Variants in PLIN5 observed in about 807,000 individuals in gnomAD.
PLIN5 encodes perilipin-5.
In PLIN5, 34 loss-of-function variants were observed where a neutral mutation model predicts 32.8. The ratio of observed to expected loss-of-function variants is 1.04; its 90% CI spans 0.79 to 1.38. PLIN5 has a LOEUF of 1.38. PLIN5 is among the 40% of genes most tolerant of loss of function. PLIN5 has a pLI of 0.00. For missense variants in PLIN5, 712 were observed against 660.5 expected (o/e 1.08, Z -0.85); for synonymous variants, 309 against 292.9 (o/e 1.05, Z -0.56).
At position 4,525,564 on chromosome 19, in the gene PLIN5, A is replaced by G. The variant is rs538771889; in HGVS notation, c.720+69T>C. Reference sequence around the variant, plus strand: ...GCTTTAGGCTAGCACGGGATCCGGTATTCAGCTGGTGCTCAATCCATACTG... The same window carrying G: ...GCTTTAGGCTAGCACGGGATCCGGTGTTCAGCTGGTGCTCAATCCATACTG... On this transcript the variant is annotated intron_variant, in intron 6 of 7. Transcript: ENST00000381848. The surrounding 1 kb of genome is among the most constrained non-coding windows in gnomAD (Gnocchi z 5.6). 6.4e-4 allele frequency: 997 copies of G among 1,567,626 alleles called. 6 individuals carry two copies. The African/African-American group carries it at 0.012, about 20-fold the overall frequency.
intron 3 of PLIN5, among the ~76,000 whole-genome samples, chr19:4,530,334 C>T (rs1248284161): frequency 1.3e-5 from 2 of 152,152 alleles, no homozygotes; most frequent in African/African-American, 4.8e-5. Context: ...GCCCAGCGGA[C>T]AGACTCAAGG....
At chr19:4,529,678 T>C in intron 4 of PLIN5, 106 bp downstream of exon 4, 1 of 880,574 alleles carries the variant, frequency 1.1e-6, no homozygotes, top group Non-Finnish European at 1.8e-6. Flanking sequence ...CTGGCTGTTT[T>C]TTCTTGAGTT....
rs373778949 is a variant in PLIN5 at position 4,523,915 on chromosome 19, G to A, written c.1005C>T (p.Cys335=). 7.9e-4 allele frequency: 1,205 copies of A among 1,528,380 alleles called. No individual in the cohort carries two copies. The highest frequency in any genetic ancestry group is 9.8e-4 in the Non-Finnish European group (1,127 of 1,146,802). The allele number at this position is 1,528,380 out of a possible 1,614,324, so 94.7% of individuals were successfully genotyped here. A position where few individuals can be genotyped will look rare whatever the true frequency, so the allele number is the denominator to read the frequency against. Residue 335 remains cysteine (C), a synonymous_variant, in exon 8 of 8, where the codon TGC becomes TGT. Coordinates refer to ENST00000381848, the MANE Select transcript of PLIN5 (RefSeq NM_001013706.3). This position sits in a 1 kb window ranked among gnomAD's most constrained non-coding sequence, Gnocchi z 5.0. ...GCGCGGCCGCTGGCACGTCCCTGAAGCAGCGGGCATCAGCGAAGGCGGTCT... is the reference window on the plus strand; with the variant it reads ...GCGCGGCCGCTGGCACGTCCCTGAAACAGCGGGCATCAGCGAAGGCGGTCT... ...ALQTAFADAR[C]FRDVPAAALA...
intron 3 of PLIN5, among the ~76,000 whole-genome samples, chr19:4,530,472 C>G (rs887548908): frequency 6.6e-6 from 1 of 152,024 alleles, no homozygotes; most frequent in Non-Finnish European, 1.5e-5. Flanking sequence ...CAGGGGTCCA[C>G]AGAGATGTGA....
chr19:4,526,011 C>T (rs1027381524), intron 5 of PLIN5, among the ~76,000 whole-genome samples, 179 bp from the exon 6 acceptor site: 2 of 152,280 alleles, frequency 1.3e-5, no homozygotes, highest in Middle Eastern at 3.4e-3. Flanking sequence ...GCTCACCCAC[C>T]TCTGGGTACA....
intron 3 of PLIN5, among the ~76,000 whole-genome samples, chr19:4,530,963 C>T (rs1373683386): frequency 1.3e-5 from 2 of 151,844 alleles, no homozygotes; most frequent in Non-Finnish European, 2.9e-5. Flanking sequence ...CAGGCATGAG[C>T]CACCGCACCT....
intron 2 of PLIN5, 135 bp from the exon 3 acceptor site, chr19:4,531,957 A>C: frequency 1.2e-6 from 1 of 860,758 alleles, no homozygotes; most frequent in South Asian, 2.2e-5. Context: ...CCCGCCACGT[A>C]GAGGCAGTGA....
intron 3 of PLIN5, 52 bp downstream of exon 3, chr19:4,531,575 G>C: frequency 6.9e-7 from 1 of 1,450,702 alleles, no homozygotes; most frequent in East Asian, 2.6e-5. Flanking sequence ...GACAGGGGGC[G>C]GTGGGGGGGT....
rs1395252391 is a variant in PLIN5 at position 4,523,542 on chromosome 19, C to G, written c.1378G>C (p.Glu460Gln). 5.7e-6 allele frequency: 9 copies of G among 1,566,120 alleles called. No homozygotes were observed. In the Admixed American group the frequency reaches 8.9e-5, roughly 15 times the overall value. ...SCPVKHTLMP[E>Q]LDF ...TGGCCCATGGGTCAGAAGTCCAGCT[C>G]GGGCATCAGGGTGTGCTTGACCGGG... is the stretch of plus-strand genomic sequence containing the variant. The change falls in exon 8 of 8, where the codon GAG becomes CAG. Residue 460 changes from glutamate (E) to glutamine (Q), a missense_variant. By Grantham distance (29) the Glu-to-Gln change is conservative. Coordinates refer to ENST00000381848, the MANE Select transcript of PLIN5 (RefSeq NM_001013706.3). This position sits in a 1 kb window ranked among gnomAD's most constrained non-coding sequence, Gnocchi z 5.0.
intron 4 of PLIN5, chr19:4,529,519 T>TAC (rs1283836609): frequency 2.0e-6 from 1 of 507,384 alleles, no homozygotes; most frequent in African/African-American, 2.0e-5. Context: ...CATGTATATA[T>TAC]ACACATATAC....
intron 2 of PLIN5, 78 bp from the exon 3 acceptor site, chr19:4,531,900 G>A (rs1459553593): frequency 2.9e-6 from 4 of 1,383,304 alleles, no homozygotes; most frequent in Non-Finnish European, 3.8e-6. Context: ...TCCCCTCTCT[G>A]GGCCAGGACG....
chr19:4,528,458 G>A (rs956393272), intron 5 of PLIN5: 68 of 151,738 alleles, frequency 4.5e-4, no homozygotes, highest in Non-Finnish European at 9.1e-4. Flanking sequence ...GCCTGGGCTG[G>A]AGTGCAATAG....
rs752271792 is a variant in PLIN5 at position 4,525,690 on chromosome 19, CCTCAGTTTCCCCACAGAGTG to C, written c.643_662del (p.His215AlafsTer97). On this transcript the variant is annotated frameshift_variant, in exon 6 of 8. Transcript: ENST00000381848. LOFTEE classifies it high-confidence loss of function. This position sits in a 1 kb window ranked among gnomAD's most constrained non-coding sequence, Gnocchi z 5.6. ...TGTCCTGGGCACGGTGTTTGCTCTG[CCTCAGTTTCCCCACAGAGTG>C]CTCGTAGGCCAGGTGGCGGATCCGT... The C allele has an allele frequency of 5.6e-6, 9 of 1,613,782 alleles. 1 individual carries two copies. The South Asian group carries it at 9.9e-5, about 18-fold the overall frequency.
rs909308115 is a variant in PLIN5 at position 4,523,191 on chromosome 19, C to G, written c.*337G>C. On this transcript the variant is annotated 3_prime_UTR_variant, in exon 8 of 8. Coordinates refer to ENST00000381848, the MANE Select transcript of PLIN5 (RefSeq NM_001013706.3). The surrounding 1 kb of genome is among the most constrained non-coding windows in gnomAD (Gnocchi z 5.0). ...CCACCTGCCTCAGACTCCCAAAGTG[C>G]TGGGATTACAGGCGTGAGCCACTGT... 8 of 218,806 alleles carry G rather than the reference C, an allele frequency of 3.7e-5. No individual in the cohort carries two copies. The highest frequency in any genetic ancestry group is 1.6e-4 in the African/African-American group (7 of 43,732). 13.6% of individuals were successfully genotyped at this position (218,806 alleles called of 1,614,324 possible). A position where few individuals can be genotyped will look rare whatever the true frequency, so the allele number is the denominator to read the frequency against.
At chr19:4,531,312 A>T (rs1976881121) in intron 3 of PLIN5, among the ~76,000 whole-genome samples, 1 of 151,660 alleles carries the variant, frequency 6.6e-6, no homozygotes, top group African/African-American at 2.4e-5. Context: ...TTTAAAAAAA[A>T]AATTTTTTTT....
intron 5 of PLIN5, chr19:4,528,303 G>A (rs954900478): frequency 5.3e-5 from 8 of 152,280 alleles, no homozygotes; most frequent in African/African-American, 1.9e-4. Flanking sequence ...TCCAGGGCCA[G>A]GCAGGTACCA....
Position 4,529,266 on chromosome 19 carries a change from G to GC in PLIN5, c.340-14dup, listed in dbSNP as rs763179117. ...CTGAGGTCACCACCTGGAAGGAAGG[G>GC]CCCCCCCACTCCAGGCACCGTGGGA... On this transcript the variant is annotated splice_polypyrimidine_tract_variant and intron_variant, in intron 4 of 7. Coordinates refer to ENST00000381848, the MANE Select transcript of PLIN5 (RefSeq NM_001013706.3). 4.5e-5 allele frequency: 72 copies of GC among 1,586,814 alleles called. 2 individuals are homozygous for GC. Among genetic ancestry groups the GC allele is most frequent in the South Asian group, 2.9e-4 (26 of 88,710 alleles).
chr19:4,525,907 C>T lies in PLIN5; in HGVS notation c.521-75G>A, dbSNP rs1360967992. ...ACGGGGACAGGATACGGGGACAGCACGGGGACAGGATACGGGGACAGCACG... is the reference window on the plus strand; with the variant it reads ...ACGGGGACAGGATACGGGGACAGCATGGGGACAGGATACGGGGACAGCACG... On this transcript the variant is annotated intron_variant, in intron 5 of 7. Coordinates refer to ENST00000381848, the MANE Select transcript of PLIN5 (RefSeq NM_001013706.3). This position sits in a 1 kb window ranked among gnomAD's most constrained non-coding sequence, Gnocchi z 5.6. The T allele has an allele frequency of 3.4e-5, 18 of 522,364 alleles. No homozygotes were observed. Among genetic ancestry groups the T allele is most frequent in the East Asian group, 1.4e-4 (5 of 36,344 alleles). 32.4% of individuals were successfully genotyped at this position (522,364 alleles called of 1,614,324 possible).
In PLIN5 at chr19:4,523,941, G is replaced by A; in HGVS notation, c.979C>T (p.Gln327Ter). 1.3e-6 allele frequency: 2 copies of A among 1,529,560 alleles called. No individual in the cohort carries two copies. Among genetic ancestry groups the A allele is most frequent in the South Asian group, 1.2e-5 (1 of 82,966 alleles). 94.7% of individuals were successfully genotyped at this position (1,529,560 alleles called of 1,614,324 possible). A position where few individuals can be genotyped will look rare whatever the true frequency, so the allele number is the denominator to read the frequency against. The change falls in exon 8 of 8, where the codon CAG (glutamine) becomes TAG (stop). Residue 327 changes from glutamine to a stop codon, truncating the protein, a stop_gained. Transcript: ENST00000381848. LOFTEE classifies it low-confidence loss of function (END_TRUNC). This position sits in a 1 kb window ranked among gnomAD's most constrained non-coding sequence, Gnocchi z 5.0. The stretch of plus-strand genomic sequence containing the variant: ...CAGCGGGCATCAGCGAAGGCGGTCT[G>A]CAGGGCATCCACACTGCGCCGCACC... ...AEVRRSVDALQTAFADARCFR... is the reference protein window; with the variant it reads ...AEVRRSVDAL
Sources: gnomAD v4.1 joint callset for allele counts (sites outside exome capture counted in the v4.1 genomes callset) on GRCh38, gnomAD v4.1.1 for gene constraint, Gnocchi (gnomAD v3.1) non-coding constraint, MANE v1.5 for transcripts, NCBI Gene and HGNC (gene_info 2026-07-23, HGNC 2026-07-21) for gene names.